The following NECAB1 variants were observed in gnomAD, a reference collection of about 807,000 sequenced individuals.
The protein encoded by NECAB1 is N-terminal EF-hand calcium binding protein 1, also known as N-terminal EF-hand calcium-binding protein 1.
NECAB1 carries 29 observed loss-of-function variants against 57.5 expected under a neutral mutation model. The ratio of observed to expected loss-of-function variants is 0.50; its 90% confidence interval spans 0.38 to 0.69. The LOEUF (loss-of-function observed/expected upper bound fraction) is 0.69. Ranked by LOEUF, NECAB1 falls within the 30% of genes least tolerant of loss-of-function variation. The pLI is 0.00. For synonymous variants in NECAB1, 142 were observed against 147.7 expected (o/e 0.96, Z 0.28); for missense variants, 372 against 413.8 (o/e 0.90, Z 0.88).
chr8:90,840,434 C>A (rs1002776464), intron 3 of NECAB1, among the ~76,000 whole-genome samples: 2 of 152,202 alleles, frequency 1.3e-5, no homozygotes, highest in African/African-American at 4.8e-5. Context: ...CGCACTAAGG[C>A]AAGCCACTCT....
intron 5 of NECAB1, among the ~76,000 whole-genome samples, chr8:90,891,333 G>A (rs926625522): frequency 7.2e-5 from 11 of 152,120 alleles, no homozygotes; most frequent in Non-Finnish European, 1.6e-4. Flanking sequence ...CTACTTATTT[G>A]TTTCCCAACT....
intron 4 of NECAB1, among the ~76,000 whole-genome samples, chr8:90,873,706 TA>T (rs1366499071): frequency 6.6e-5 from 10 of 152,220 alleles, no homozygotes; most frequent in Non-Finnish European, 1.2e-4. Flanking sequence ...GCTTTTAAGA[TA>T]AAAACACTAA....
intron 1 of NECAB1, among the ~76,000 whole-genome samples, chr8:90,799,711 T>C (rs1036778986): frequency 7.9e-5 from 12 of 152,230 alleles, no homozygotes; most frequent in African/African-American, 2.7e-4. Context: ...ACTGTAGCCT[T>C]ACTGTATAGT....
At chr8:90,933,195 A>G (rs1810451031) in intron 8 of NECAB1, among the ~76,000 whole-genome samples, 1 of 152,232 alleles carries the variant, frequency 6.6e-6, no homozygotes, top group African/African-American at 2.4e-5. Flanking sequence ...TAGAAGTAGA[A>G]CTACCATTTG....
At chr8:90,913,220 T>C (rs1029266593) in intron 5 of NECAB1, among the ~76,000 whole-genome samples, 3 of 152,230 alleles carry the variant, frequency 2.0e-5, no homozygotes, top group African/African-American at 7.2e-5. Flanking sequence ...CTAGGATTTT[T>C]ACTCAAATGA....
At chr8:90,804,252 T>C (rs955831475) in intron 2 of NECAB1, among the ~76,000 whole-genome samples, 2 of 152,114 alleles carry the variant, frequency 1.3e-5, no homozygotes, top group South Asian at 4.1e-4. Flanking sequence ...ACCATTATGC[T>C]AAGTGAAATT....
chr8:90,900,316 G>A (rs1190736418), intron 5 of NECAB1, among the ~76,000 whole-genome samples: 1 of 152,100 alleles, frequency 6.6e-6, no homozygotes, highest in Non-Finnish European at 1.5e-5. Flanking sequence ...ACAACAGAAG[G>A]GTAGAGTAGG....
intron 2 of NECAB1, among the ~76,000 whole-genome samples, chr8:90,822,683 C>A (rs1450321766): frequency 6.6e-6 from 1 of 151,774 alleles, no homozygotes; most frequent in Admixed American, 6.6e-5. Flanking sequence ...GGGGCCCACC[C>A]TATCCACAGG....
chr8:90,840,000 A>T (rs889891070), intron 3 of NECAB1, among the ~76,000 whole-genome samples: 7 of 152,200 alleles, frequency 4.6e-5, no homozygotes, highest in Non-Finnish European at 7.3e-5. Context: ...TGTTAGCTGG[A>T]TTTTGAAAGA....
intron 5 of NECAB1, among the ~76,000 whole-genome samples, chr8:90,899,034 T>C (rs1266508530): frequency 6.6e-6 from 1 of 152,164 alleles, no homozygotes; most frequent in Non-Finnish European, 1.5e-5. Flanking sequence ...GCCCTGCAGG[T>C]CTGGCACCTG....
intron 2 of NECAB1, among the ~76,000 whole-genome samples, chr8:90,820,231 T>C (rs929154756): frequency 1.5e-4 from 23 of 150,210 alleles, no homozygotes; most frequent in African/African-American, 5.6e-4. Context: ...AGTCATTGAA[T>C]TTCAGGTTTT....
chr8:90,906,863 C>G (rs1424398878), intron 5 of NECAB1, among the ~76,000 whole-genome samples: 3 of 57,340 alleles, frequency 5.2e-5, no homozygotes, highest in African/African-American at 2.1e-4. Flanking sequence ...CTTTTCCTTA[C>G]ATATGATATA....
At chr8:90,897,456 G>A (rs1188677106) in intron 5 of NECAB1, among the ~76,000 whole-genome samples, 3 of 152,122 alleles carry the variant, frequency 2.0e-5, no homozygotes, top group African/African-American at 7.2e-5. Flanking sequence ...TACCTCTCTA[G>A]ACCCTGAAAA....
intron 11 of NECAB1, among the ~76,000 whole-genome samples, chr8:90,950,694 A>G (rs1303569994): frequency 6.6e-6 from 1 of 152,192 alleles, no homozygotes; most frequent in East Asian, 1.9e-4. Context: ...ACAGTATTTC[A>G]GCCATAGAAG....
chr8:90,851,086 T>G lies in NECAB1; in HGVS notation c.234-21042T>G, dbSNP rs376655300. 5.3e-5 allele frequency among the ~76,000 whole-genome samples: 8 copies of G among 152,194 alleles called. 1 individual carries two copies. The highest frequency in any genetic ancestry group is 1.7e-4 in the African/African-American group (7 of 41,546). ...TATAATGAGGCCTCCATGAAAACAC[T>G]AAATGATGGGGTTAAGACAGCATCC... is the stretch of plus-strand genomic sequence containing the variant. On this transcript the variant is annotated intron_variant, in intron 3 of 12. Transcript: ENST00000417640.
In NECAB1 at chr8:90,956,577, T is replaced by C. The variant is rs114377642; in HGVS notation, c.*1065T>C. The C allele has an allele frequency of 3.9e-5, 6 of 151,952 alleles. No individual in the cohort carries two copies. Among genetic ancestry groups the C allele is most frequent in the Admixed American group, 1.3e-4 (2 of 15,240 alleles). The allele number at this position is 151,952 out of a possible 1,614,324, so 9.4% of individuals were successfully genotyped here. On this transcript the variant is annotated 3_prime_UTR_variant, in exon 13 of 13. Transcript: ENST00000417640. ...CTCAGAAATTAAATATTTTTAATAA[T>C]AAAAATCTGTTCTGGTTATAAACCT... is the stretch of plus-strand genomic sequence containing the variant.
At chr8:90,814,990 C>T (rs1376257431) in intron 2 of NECAB1, among the ~76,000 whole-genome samples, 1 of 152,066 alleles carries the variant, frequency 6.6e-6, no homozygotes, top group Admixed American at 6.6e-5. Flanking sequence ...GGTATCTATA[C>T]TGAGCTAAAC....
intron 4 of NECAB1, chr8:90,872,361 C>T (rs927325141): frequency 5.8e-5 from 26 of 449,454 alleles, no homozygotes; most frequent in Non-Finnish European, 2.0e-5. Context: ...CTCATTAGTT[C>T]GTTCATAGAA....
rs1393669233 is a variant in NECAB1 at position 90,925,763 on chromosome 8, T to A, written c.616+107T>A. The A allele has an allele frequency of 2.1e-6, 3 of 1,419,484 alleles. No individual in the cohort carries two copies. In the African/African-American group the frequency reaches 4.3e-5, roughly 20 times the overall value. The allele number at this position is 1,419,484 out of a possible 1,614,324, so 87.9% of individuals were successfully genotyped here. A position where few individuals can be genotyped will look rare whatever the true frequency, so the allele number is the denominator to read the frequency against. On this transcript the variant is annotated intron_variant, in intron 7 of 12. Coordinates refer to ENST00000417640, the MANE Select transcript of NECAB1 (RefSeq NM_022351.5). The stretch of plus-strand genomic sequence containing the variant: ...ATAAGACAATAGTAATGGAACACTT[T>A]CCTTATACCAAGTAAGTTTGAGACA...
Sources: allele counts gnomAD v4.1 joint callset (sites outside exome capture counted in the v4.1 genomes callset), GRCh38; gene constraint gnomAD v4.1.1; transcripts MANE v1.5; gene names NCBI Gene and HGNC (gene_info 2026-07-23, HGNC 2026-07-21).